ZNF516: variants seen among roughly 807,000 people sequenced by gnomAD.
ZNF516 encodes zinc finger protein 516.
Under a neutral mutation model 79.7 loss-of-function variants are expected in ZNF516, and 19 were observed. The ratio of observed to expected loss-of-function variants is 0.24; its 90% CI spans 0.17 to 0.35. The LOEUF (loss-of-function observed/expected upper bound fraction) is 0.35. Among genes scored for constraint, ZNF516 ranks in the 10% least tolerant of loss-of-function variants. ZNF516 has a pLI of 1.00. For synonymous variants in ZNF516, 877 were observed against 739.5 expected, an observed-to-expected ratio of 1.19 and a Z score of -3.02; for missense variants, 1,678 against 1,679.5, an observed-to-expected ratio of 1.00 and a Z score of 0.02.
rs1318849389 is a variant in ZNF516, at chr18:76,362,293, T to C, written c.*205A>G. 1.8e-6 allele frequency: 1 copy of C among 541,010 alleles called. No homozygotes were observed. Among genetic ancestry groups the C allele is most frequent in the Non-Finnish European group, 3.4e-6 (1 of 295,774 alleles). The allele number at this position is 541,010 out of a possible 1,614,324, so 33.5% of individuals were successfully genotyped here. ...GTATTTCTAGAATATAGCATCTTCA[T>C]TTATTTCTGAACGTTTAACAAGGAG... On this transcript the variant is annotated 3_prime_UTR_variant, in exon 7 of 7. Coordinates refer to ENST00000443185, the MANE Select transcript of ZNF516 (RefSeq NM_014643.4).
chr18:76,438,430 A>C (rs1004326259), intron 3 of ZNF516, among the ~76,000 whole-genome samples: 1 of 152,140 alleles, frequency 6.6e-6, no homozygotes, highest in Non-Finnish European at 1.5e-5. Flanking sequence ...TTTCTTACTA[A>C]AAATATTAAC....
rs1912386557 is a variant in ZNF516, at chr18:76,451,149, C to T, written c.-157-7938G>A. Among the ~76,000 whole-genome samples, 1 of 152,216 alleles carries T rather than the reference C, an allele frequency of 6.6e-6. No homozygotes were observed. Among genetic ancestry groups the T allele is most frequent in the Non-Finnish European group, 1.5e-5 (1 of 68,044 alleles). On this transcript the variant is annotated intron_variant, in intron 2 of 6. Transcript: ENST00000443185. This position sits in a 1 kb window ranked among gnomAD's most constrained non-coding sequence, Gnocchi z 6.0. ...CATGTGTCAGGGGAGGGAAGCAAAGCTGAAGTGGGTGCTGCTTTCCAAATG... is the reference window on the plus strand; with the variant it reads ...CATGTGTCAGGGGAGGGAAGCAAAGTTGAAGTGGGTGCTGCTTTCCAAATG...
chr18:76,482,475 G>T (rs536714695), intron 1 of ZNF516, among the ~76,000 whole-genome samples: 72 of 152,352 alleles, frequency 4.7e-4, no homozygotes, highest in African/African-American at 1.7e-3. Flanking sequence ...GCGATCTCCA[G>T]GGTGGACGTC....
chr18:76,474,193 A>C (rs996555523), intron 1 of ZNF516, among the ~76,000 whole-genome samples: 1 of 152,252 alleles, frequency 6.6e-6, no homozygotes, highest in African/African-American at 2.4e-5. Context: ...AGCATGGCAG[A>C]TTAAGTAAGC....
chr18:76,448,640 C>T (rs75954443), intron 2 of ZNF516, among the ~76,000 whole-genome samples: 2,671 of 152,286 alleles, frequency 0.018, 76 homozygotes, highest in African/African-American at 0.059. Flanking sequence ...TCCACATCCC[C>T]GAGGAACTTC....
intron 3 of ZNF516, among the ~76,000 whole-genome samples, chr18:76,410,589 T>A (rs568968227): frequency 6.6e-6 from 1 of 152,336 alleles, no homozygotes; most frequent in Non-Finnish European, 1.5e-5. Context: ...AGGTAAAATT[T>A]GCTTTTGGGG....
At chr18:76,485,451 T>C (rs1382838689) in intron 1 of ZNF516, among the ~76,000 whole-genome samples, 1 of 152,180 alleles carries the variant, frequency 6.6e-6, no homozygotes, top group Non-Finnish European at 1.5e-5. Flanking sequence ...CAGCCCACCT[T>C]TCAGTCCACA....
Position 76,467,097 on chromosome 18 carries a change from G to C in ZNF516, c.-271-3956C>G, listed in dbSNP as rs929400594. Among the ~76,000 whole-genome samples the C allele has an allele frequency of 1.8e-4, 27 of 151,702 alleles. No individual in the cohort carries two copies. The highest frequency in any genetic ancestry group is 2.7e-4 in the Non-Finnish European group (18 of 67,848). ...CCGTGGCCTCGCTGAACCTGCAGCT[G>C]ACAGCCCCTCTGGGCTGGCAGGAAG... On this transcript the variant is annotated intron_variant, in intron 1 of 6. Coordinates refer to ENST00000443185, the MANE Select transcript of ZNF516 (RefSeq NM_014643.4). The surrounding 1 kb of genome is among the most constrained non-coding windows in gnomAD (Gnocchi z 4.2).
intron 3 of ZNF516, among the ~76,000 whole-genome samples, chr18:76,402,200 C>T (rs1290239739): frequency 6.6e-6 from 1 of 152,316 alleles, no homozygotes; most frequent in East Asian, 1.9e-4. Context: ...ACAAATCCCG[C>T]CAGTGGCCAC....
rs919667011 is a variant in ZNF516 at position 76,361,633 on chromosome 18, A to C, written c.*865T>G. On this transcript the variant is annotated 3_prime_UTR_variant, in exon 7 of 7. Transcript: ENST00000443185. The stretch of plus-strand genomic sequence containing the variant: ...CCGAATCGGGAGGACTCAGTGGCTA[A>C]ATAATTTGTTAAGACGTATAGTCTT... The C allele has an allele frequency of 2.6e-5, 4 of 152,336 alleles. No individual in the cohort carries two copies. The East Asian group carries it at 7.7e-4, about 29-fold the overall frequency. The allele number at this position is 152,336 out of a possible 1,614,324, so 9.4% of individuals were successfully genotyped here.
At chr18:76,469,996 A>G (rs1913732497) in intron 1 of ZNF516, among the ~76,000 whole-genome samples, 2 of 152,264 alleles carry the variant, frequency 1.3e-5, no homozygotes, top group Admixed American at 1.3e-4. Flanking sequence ...ATTGTTAAGT[A>G]AATAATCTAC....
chr18:76,492,314 C>G (rs1185347124), intron 1 of ZNF516: 1 of 985,350 alleles, frequency 1.0e-6, no homozygotes, highest in Non-Finnish European at 1.2e-6. Flanking sequence ...ACCGATATTC[C>G]TGAGAAAGTC....
At chr18:76,433,259 C>T (rs1160213173) in intron 3 of ZNF516, among the ~76,000 whole-genome samples, 2 of 152,214 alleles carry the variant, frequency 1.3e-5, no homozygotes, top group African/African-American at 2.4e-5. Flanking sequence ...CTCCCGAATA[C>T]AACATTTCTC....
intron 2 of ZNF516, among the ~76,000 whole-genome samples, chr18:76,452,153 C>G (rs781295234): frequency 6.6e-6 from 1 of 152,232 alleles, no homozygotes; most frequent in East Asian, 1.9e-4. Context: ...CAAAACGCCA[C>G]TATCCCAGGG....
chr18:76,437,349 G>A (rs530437443), intron 3 of ZNF516, among the ~76,000 whole-genome samples: 14 of 152,258 alleles, frequency 9.2e-5, no homozygotes, highest in Middle Eastern at 3.4e-3. Flanking sequence ...GCTGCTGGGC[G>A]GCAGGGAGGC....
rs570119370 is a variant in ZNF516 at position 76,358,172 on chromosome 18, A to G, written c.*4326T>C. 33 of 152,338 alleles carry G rather than the reference A, an allele frequency of 2.2e-4. No homozygotes were observed. Among genetic ancestry groups the G allele is most frequent in the Non-Finnish European group, 2.2e-4 (15 of 68,020 alleles). The allele number at this position is 152,338 out of a possible 1,614,324, so 9.4% of individuals were successfully genotyped here. On this transcript the variant is annotated 3_prime_UTR_variant, in exon 7 of 7. Coordinates refer to ENST00000443185, the MANE Select transcript of ZNF516 (RefSeq NM_014643.4). ...TTTACGCCACCCTCTGAAATTGGGG[A>G]AAAATGTCTTACAAATCTCAGAACT...
chr18:76,415,967 G>C (rs186364679), intron 3 of ZNF516, among the ~76,000 whole-genome samples: 89 of 152,258 alleles, frequency 5.8e-4, no homozygotes, highest in Admixed American at 7.8e-4. Context: ...TCAATATACT[G>C]TTAGCAACTG....
At chr18:76,480,186 CA>C (rs1165361073) in intron 1 of ZNF516, among the ~76,000 whole-genome samples, 10 of 127,908 alleles carry the variant, frequency 7.8e-5, no homozygotes, top group Middle Eastern at 4.3e-3. Flanking sequence ...AAAAAAAGAA[CA>C]AAAAAAAACT....
Position 76,465,470 on chromosome 18 carries a change from G to A in ZNF516, c.-271-2329C>T, listed in dbSNP as rs530372444. ...GTCTGAGAAAGGCTGACCCTGCGGC[G>A]TCCTTGGACAGCACACGGGAGAAAT... On this transcript the variant is annotated intron_variant, in intron 1 of 6. Transcript: ENST00000443185. Among the ~76,000 whole-genome samples the A allele has an allele frequency of 2.4e-4, 36 of 152,330 alleles. 1 individual carries two copies. In the South Asian group the frequency reaches 5.6e-3, roughly 24 times the overall value.
Sources: allele counts gnomAD v4.1 joint callset (sites outside exome capture counted in the v4.1 genomes callset), GRCh38; gene constraint gnomAD v4.1.1; non-coding constraint Gnocchi (gnomAD v3.1); transcripts MANE v1.5; gene names NCBI Gene and HGNC (gene_info 2026-07-23, HGNC 2026-07-21).